Variants in EDARADD observed in about 807,000 individuals in gnomAD.
EDARADD encodes the protein EDAR associated via death domain, also known as ectodysplasin-A receptor-associated adapter protein.
In EDARADD, 20 loss-of-function variants were observed where a neutral mutation model predicts 25.6. The observed-to-expected ratio is 0.78, with a 90% CI of 0.55 to 1.14. The LOEUF (loss-of-function observed/expected upper bound fraction) is 1.14. EDARADD is among the 50% of genes most tolerant of loss of function. The pLI is 0.00. For missense variants in EDARADD, 225 were observed against 270.1 expected, an observed-to-expected ratio of 0.83 and a Z score of 1.17; for synonymous variants, 86 against 94.4, an observed-to-expected ratio of 0.91 and a Z score of 0.52.
chr1:236,425,285 C>T (rs1377403117), intron 3 of EDARADD, among the ~76,000 whole-genome samples: 1 of 152,206 alleles, frequency 6.6e-6, no homozygotes, highest in Non-Finnish European at 1.5e-5. Context: ...TTCATTAGCA[C>T]CTGGGCCACA....
In EDARADD at chr1:236,483,319, A is replaced by G. The variant is rs1363073933; in HGVS notation, c.*670A>G. On this transcript the variant is annotated 3_prime_UTR_variant, in exon 6 of 6. Coordinates refer to ENST00000334232, the MANE Select transcript of EDARADD (RefSeq NM_145861.4). ...TATGAGGTCCTAGAGCTCCAGGACA[A>G]TGATAAGACTCGCTATATGGGGAAG... The G allele has an allele frequency of 2.5e-6, 4 of 1,597,142 alleles. No individual in the cohort carries two copies. Among genetic ancestry groups the G allele is most frequent in the Non-Finnish European group, 3.4e-6 (4 of 1,167,334 alleles).
intron 4 of EDARADD, among the ~76,000 whole-genome samples, chr1:236,433,727 A>G (rs58103396): frequency 0.082 from 12,504 of 151,678 alleles, 1,606 homozygotes; most frequent in African/African-American, 0.27. Context: ...AAAATTAGCC[A>G]GGCGTGGTGG....
At chr1:236,369,547 G>A (rs946942206) in intron 3 of EDARADD, among the ~76,000 whole-genome samples, 2 of 152,108 alleles carry the variant, frequency 1.3e-5, no homozygotes, top group Non-Finnish European at 2.9e-5. Flanking sequence ...TCATAAAATT[G>A]TTATCATACA....
At position 236,383,386 on chromosome 1, in the gene EDARADD, C is replaced by CA. The variant is rs35085475; in HGVS notation, c.-5-25812dup. On this transcript the variant is annotated intron_variant, in intron 3 of 7. Transcript: ENST00000439430. ...CTACAGCCTGGGCAAGACTCCGTCT[C>CA]AAAAAAAAAAAAAAAAAATCTCTCA... is the stretch of plus-strand genomic sequence containing the variant. Among the ~76,000 whole-genome samples the CA allele has an allele frequency of 6.9e-3, 961 of 139,480 alleles. 12 individuals are homozygous for CA. The highest frequency in any genetic ancestry group is 0.023 in the African/African-American group (854 of 36,368). 91.5% of individuals were successfully genotyped at this position (139,480 alleles called of 152,430 possible).
intron 4 of EDARADD, among the ~76,000 whole-genome samples, chr1:236,435,873 A>G (rs2103019971): frequency 6.6e-6 from 1 of 152,326 alleles, no homozygotes; most frequent in South Asian, 2.1e-4. Context: ...TTGATAACAT[A>G]TGTTTGGTAG....
In EDARADD at chr1:236,394,525, C is replaced by A. The variant is rs371250068; in HGVS notation, c.61+20C>A. The A allele has an allele frequency of 6.2e-7, 1 of 1,609,626 alleles. No individual in the cohort carries two copies. The highest frequency in any genetic ancestry group is 1.3e-5 in the African/African-American group (1 of 74,804). On this transcript the variant is annotated intron_variant, in intron 1 of 5. Transcript: ENST00000334232. ...AAGAGGGTATGTAGGCATTTGCTGT[C>A]TTCCTGGATTTCTCAGAGCTGAGTT...
chr1:236,449,773 A>G (rs1328575811), intron 4 of EDARADD, among the ~76,000 whole-genome samples: 1 of 152,184 alleles, frequency 6.6e-6, no homozygotes, highest in African/African-American at 2.4e-5. Context: ...GGGATACAGA[A>G]TTCTTTCTGT....
chr1:236,415,758 C>G (rs1387595278), intron 3 of EDARADD, among the ~76,000 whole-genome samples: 1 of 152,110 alleles, frequency 6.6e-6, no homozygotes, highest in Non-Finnish European at 1.5e-5. Flanking sequence ...CCCTGTGTTC[C>G]TTTATGGAGG....
upstream of EDARADD, among the ~76,000 whole-genome samples, chr1:236,393,304 TG>T: frequency 6.6e-6 from 1 of 152,052 alleles, no homozygotes; most frequent in Non-Finnish European, 1.5e-5. Context: ...TATGGAAATA[TG>T]AAATTTTTCA....
chr1:236,396,911 G>T (rs1347620083), intron 1 of EDARADD, among the ~76,000 whole-genome samples: 2 of 142,318 alleles, frequency 1.4e-5, no homozygotes, highest in Non-Finnish European at 3.0e-5. Flanking sequence ...GGTGCCAAGG[G>T]GTGTTTTAGG....
At chr1:236,359,027 A>C (rs1226112800) in intron 3 of EDARADD, among the ~76,000 whole-genome samples, 1 of 152,198 alleles carries the variant, frequency 6.6e-6, no homozygotes, top group Non-Finnish European at 1.5e-5. Flanking sequence ...TAGGTCTCTA[A>C]GAACTTGTTT....
intron 1 of EDARADD, among the ~76,000 whole-genome samples, chr1:236,405,705 T>G (rs575652305): frequency 6.6e-6 from 1 of 151,714 alleles, no homozygotes; most frequent in African/African-American, 2.4e-5. Context: ...ATCTACTGCA[T>G]TTTCCTCTCC....
At chr1:236,425,255 G>T (rs1294093142) in intron 3 of EDARADD, among the ~76,000 whole-genome samples, 1 of 152,220 alleles carries the variant, frequency 6.6e-6, no homozygotes, top group East Asian at 1.9e-4. Flanking sequence ...AGTACCAAAT[G>T]CTTTTTCCCG....
chr1:236,420,003 C>T (rs1174250318), intron 3 of EDARADD, among the ~76,000 whole-genome samples: 1 of 152,118 alleles, frequency 6.6e-6, no homozygotes, highest in South Asian at 2.1e-4. Flanking sequence ...CATGGCGATA[C>T]CCCGTCTCTA....
At chr1:236,421,754 A>G (rs556658942) in intron 3 of EDARADD, among the ~76,000 whole-genome samples, 2 of 151,948 alleles carry the variant, frequency 1.3e-5, no homozygotes, top group African/African-American at 4.8e-5. Flanking sequence ...ATCTACCCGC[A>G]TTGGCCTCCC....
chr1:236,400,720 A>ATTTTTTTTT (rs55864840), intron 1 of EDARADD, among the ~76,000 whole-genome samples: 19 of 121,160 alleles, frequency 1.6e-4, no homozygotes, highest in Non-Finnish European at 2.3e-4. Flanking sequence ...ACACCCGGCT[A>ATTTTTTTTT]TTTTTTTTTT....
At chr1:236,442,900 T>G (rs1286286330) in intron 4 of EDARADD, among the ~76,000 whole-genome samples, 1 of 152,194 alleles carries the variant, frequency 6.6e-6, no homozygotes, top group Non-Finnish European at 1.5e-5. Context: ...ATGTTGAAAT[T>G]TAATCCCCAA....
At chr1:236,402,467 G>GGATT (rs1667629862) in intron 1 of EDARADD, among the ~76,000 whole-genome samples, 1 of 152,152 alleles carries the variant, frequency 6.6e-6, no homozygotes, top group Admixed American at 6.5e-5. Flanking sequence ...GGAGGTGGAA[G>GGATT]GATTGCTTGA....
chr1:236,412,722 A>G (rs779517781), intron 2 of EDARADD, among the ~76,000 whole-genome samples: 6 of 152,168 alleles, frequency 3.9e-5, no homozygotes, highest in Non-Finnish European at 8.8e-5. Context: ...GGAGCCCTGA[A>G]CTTGCTCTGG....
Sources: allele counts gnomAD v4.1 joint callset (sites outside exome capture counted in the v4.1 genomes callset), GRCh38; gene constraint gnomAD v4.1.1; transcripts MANE v1.5; gene names NCBI Gene and HGNC (gene_info 2026-07-23, HGNC 2026-07-21).